Variants in ADGRL2 observed in about 807,000 individuals in gnomAD.
ADGRL2 encodes the protein calcium-independent alpha-latrotoxin receptor 2.
In ADGRL2, 44 loss-of-function variants were observed where a neutral mutation model predicts 157.4. The observed-to-expected ratio is 0.28, with a 90% CI of 0.22 to 0.36. The LOEUF (loss-of-function observed/expected upper bound fraction) is 0.36, where lower values mean the gene tolerates loss of function less well. ADGRL2 is among the 10% of genes least tolerant of loss of function. ADGRL2 has a pLI of 1.00. For synonymous variants in ADGRL2, 585 were observed against 624.7 expected (o/e 0.94, Z 0.95); for missense variants, 1,510 against 1,768.9 (o/e 0.85, Z 2.63).
chr1:81,346,558 A>T (rs1662495648), intron 1 of ADGRL2, among the ~76,000 whole-genome samples: 2 of 152,164 alleles, frequency 1.3e-5, no homozygotes, highest in South Asian at 4.1e-4. Context: ...AAGGTGATAA[A>T]AGTGGAGCCC....
At position 81,971,927 on chromosome 1, in the gene ADGRL2, G is replaced by C. The variant is rs766108510; in HGVS notation, c.3021+9G>C. On this transcript the variant is annotated intron_variant, in intron 17 of 23. Coordinates refer to ENST00000686636, the MANE Select transcript of ADGRL2 (RefSeq NM_001366006.2). Reference sequence around the variant, plus strand: ...TTACCTTCATTATTCTGGTAAGCAGGTTCTGTTTTCCCTTGCTTTTTAGCT... The same window carrying C: ...TTACCTTCATTATTCTGGTAAGCAGCTTCTGTTTTCCCTTGCTTTTTAGCT... 17 of 1,601,100 alleles carry C rather than the reference G, an allele frequency of 1.1e-5. No individual in the cohort carries two copies. Among genetic ancestry groups the C allele is most frequent in the Non-Finnish European group, 1.5e-5 (17 of 1,171,102 alleles).
chr1:81,632,950 T>C (rs1403939253), intron 3 of ADGRL2, among the ~76,000 whole-genome samples: 1 of 152,054 alleles, frequency 6.6e-6, no homozygotes, highest in Non-Finnish European at 1.5e-5. Flanking sequence ...TATAATAGAT[T>C]TTTTTATATA....
intron 3 of ADGRL2, among the ~76,000 whole-genome samples, chr1:81,910,977 C>T (rs1415022335): frequency 1.3e-5 from 2 of 151,722 alleles, no homozygotes; most frequent in African/African-American, 4.8e-5. Context: ...AATTTCAGTA[C>T]CATTAAAATA....
At chr1:81,677,140 C>T (rs1321290817) in intron 3 of ADGRL2, among the ~76,000 whole-genome samples, 2 of 152,168 alleles carry the variant, frequency 1.3e-5, no homozygotes, top group African/African-American at 4.8e-5. Flanking sequence ...CATGCACCAC[C>T]ACGCCTGGCT....
chr1:81,604,976 AC>A (rs2081404688), intron 3 of ADGRL2, among the ~76,000 whole-genome samples: 1 of 152,198 alleles, frequency 6.6e-6, no homozygotes, highest in South Asian at 2.1e-4. Context: ...CAAAGCACTT[AC>A]ACATAATCTC....
chr1:81,442,135 C>T (rs1373888472), intron 1 of ADGRL2, among the ~76,000 whole-genome samples: 1 of 152,186 alleles, frequency 6.6e-6, no homozygotes, highest in African/African-American at 2.4e-5. Context: ...TTGAAACTTA[C>T]ATTATGTATC....
At chr1:81,595,217 A>G (rs1261237122) in intron 3 of ADGRL2, among the ~76,000 whole-genome samples, 1 of 152,188 alleles carries the variant, frequency 6.6e-6, no homozygotes, top group Non-Finnish European at 1.5e-5. Flanking sequence ...TGAGAAGTGC[A>G]ATACTTTTTA....
intron 1 of ADGRL2, among the ~76,000 whole-genome samples, chr1:81,364,724 G>A (rs1329518734): frequency 6.6e-6 from 1 of 150,744 alleles, no homozygotes; most frequent in Non-Finnish European, 1.5e-5. Context: ...TTTCGAGACA[G>A]AGTCTTGCTC....
At position 81,990,757 on chromosome 1, in the gene ADGRL2, G is replaced by A. The variant is rs748651558; in HGVS notation, c.4022G>A (p.Arg1341Gln). 2.7e-5 allele frequency: 43 copies of A among 1,614,028 alleles called. No homozygotes were observed. Among genetic ancestry groups the A allele is most frequent in the African/African-American group, 6.7e-5 (5 of 74,980 alleles). ...CTCGAGGCACCACTTATTCCTCAGC[G>A]GACTCACTCCCTTCTGTACCAACCC... ...KELEAPLIPQ[R>Q]THSLLYQPQK... Residue 1341 changes from arginine (R) to glutamine (Q), a missense_variant, in exon 24 of 24, where the codon CGG becomes CAG. Arg to Gln is a conservative substitution (Grantham distance 43). This residue lies in a region of ADGRL2 where 327 missense variants were observed against 310.1 expected (regional missense o/e 1.05). Coordinates refer to ENST00000686636, the MANE Select transcript of ADGRL2 (RefSeq NM_001366006.2).
At chr1:81,347,169 C>T (rs868567294) in intron 1 of ADGRL2, among the ~76,000 whole-genome samples, 24 of 151,998 alleles carry the variant, frequency 1.6e-4, no homozygotes, top group African/African-American at 2.4e-4. Context: ...GAGGCTGAGG[C>T]GGGTAGATCA....
At chr1:81,794,218 A>G (rs531615855) in intron 2 of ADGRL2, among the ~76,000 whole-genome samples, 2 of 152,276 alleles carry the variant, frequency 1.3e-5, no homozygotes, top group South Asian at 4.1e-4. Flanking sequence ...ATATAGTTTG[A>G]ATTGGGCTAC....
intron 1 of ADGRL2, chr1:81,427,258 T>A: frequency 1.3e-6 from 1 of 750,732 alleles, no homozygotes; most frequent in Non-Finnish European, 2.4e-6. Flanking sequence ...GCGGAAATAG[T>A]TATGAAGGAG....
chr1:81,479,317 A>G (rs1256804978), intron 2 of ADGRL2, among the ~76,000 whole-genome samples: 1 of 148,728 alleles, frequency 6.7e-6, no homozygotes, highest in Non-Finnish European at 1.5e-5. Context: ...TACTAAAAAT[A>G]CAAAAAAAAA....
At chr1:81,442,802 C>A (rs1032683606) in intron 1 of ADGRL2, among the ~76,000 whole-genome samples, 1 of 152,166 alleles carries the variant, frequency 6.6e-6, no homozygotes, top group Non-Finnish European at 1.5e-5. Context: ...AAAATAGGTC[C>A]ATTTCCCATC....
intron 3 of ADGRL2, among the ~76,000 whole-genome samples, chr1:81,691,880 G>GTATATATA (rs58043778): frequency 8.3e-6 from 1 of 119,878 alleles, no homozygotes; most frequent in Non-Finnish European, 1.8e-5. Flanking sequence ...GTGTGTGTGT[G>GTATATATA]TATATATATA....
intron 1 of ADGRL2, among the ~76,000 whole-genome samples, chr1:81,712,910 C>A (rs868496264): frequency 2.0e-5 from 3 of 151,732 alleles, no homozygotes; most frequent in Non-Finnish European, 2.9e-5. Context: ...TGCAGGCATG[C>A]ACCACCACGC....
At chr1:81,319,743 G>C (rs1019657704) in intron 1 of ADGRL2, among the ~76,000 whole-genome samples, 2 of 152,132 alleles carry the variant, frequency 1.3e-5, no homozygotes, top group African/African-American at 2.4e-5. Flanking sequence ...TAAGACCCAT[G>C]GACCATATTG....
chr1:81,956,073 A>G lies in ADGRL2; in HGVS notation c.2017+13A>G. The G allele has an allele frequency of 6.4e-7, 1 of 1,566,360 alleles. No individual in the cohort carries two copies. Among genetic ancestry groups the G allele is most frequent in the South Asian group, 1.2e-5 (1 of 83,332 alleles). ...ACAGAAAATATTGGTAAGTGAATCT[A>G]CTGTCAAGTTTAATTTTGATTTAGG... is the stretch of plus-strand genomic sequence containing the variant. On this transcript the variant is annotated intron_variant, in intron 11 of 23. Coordinates refer to ENST00000686636, the MANE Select transcript of ADGRL2 (RefSeq NM_001366006.2).
intron 1 of ADGRL2, among the ~76,000 whole-genome samples, chr1:81,341,523 T>C (rs1271229229): frequency 6.6e-6 from 1 of 152,150 alleles, no homozygotes; most frequent in Non-Finnish European, 1.5e-5. Context: ...CACTTAAGAA[T>C]GTTTTTCTTC....
Sources: gnomAD v4.1 joint callset for allele counts (sites outside exome capture counted in the v4.1 genomes callset) on GRCh38, gnomAD v4.1.1 for gene constraint, gnomAD v4.1.1 regional missense constraint, MANE v1.5 for transcripts, NCBI Gene and HGNC (gene_info 2026-07-23, HGNC 2026-07-21) for gene names.